DNMBP: variants seen among roughly 807,000 people sequenced by gnomAD.
The protein encoded by DNMBP is dynamin binding protein, also known as dynamin-binding protein.
A neutral mutation model predicts 150.0 loss-of-function variants in DNMBP; 87 were observed. The ratio of observed to expected loss-of-function variants is 0.58; its 90% CI spans 0.49 to 0.69. The LOEUF (loss-of-function observed/expected upper bound fraction) is 0.69, where lower values mean the gene tolerates loss of function less well. DNMBP is among the 30% of genes least tolerant of loss of function. The pLI is 0.00. For synonymous variants in DNMBP, 711 were observed against 750.4 expected (o/e 0.95, Z 0.86); for missense variants, 1,774 against 1,949.0 (o/e 0.91, Z 1.69).
At chr10:99,912,263 T>C (rs548582036) in intron 4 of DNMBP, among the ~76,000 whole-genome samples, 1 of 152,248 alleles carries the variant, frequency 6.6e-6, no homozygotes, top group African/African-American at 2.4e-5. Context: ...TGAGAAAAGG[T>C]CAGGGGCTTA....
intron 1 of DNMBP, among the ~76,000 whole-genome samples, chr10:100,002,084 T>C (rs942997534): frequency 1.8e-4 from 27 of 152,152 alleles, no homozygotes; most frequent in Admixed American, 3.3e-4. Flanking sequence ...CATGAGTTAA[T>C]GATCTAGCCC....
rs147616355 is a variant in DNMBP at position 99,956,764 on chromosome 10, G to A, written c.710C>T (p.Pro237Leu). Residue 237 changes from proline to leucine, a missense_variant, in exon 4 of 17, where the codon CCG becomes CTG. By Grantham distance (98) the Pro-to-Leu change is moderately conservative (BLOSUM62 -3). Coordinates refer to ENST00000324109, the MANE Select transcript of DNMBP (RefSeq NM_015221.4). ...CCCTGGCTCCTCCTCATCCTCATCC[G>A]GCCCTATCTCTTCTTCTCCTACAGG... ...DTPVGEEEIG[P>L]DEDEEEPGTY... The A allele has an allele frequency of 1.7e-5, 27 of 1,613,940 alleles. No individual in the cohort carries two copies. Among genetic ancestry groups the A allele is most frequent in the East Asian group, 1.6e-4 (7 of 44,892 alleles).
intron 16 of DNMBP, among the ~76,000 whole-genome samples, chr10:99,879,097 A>C (rs1335698209): frequency 1.3e-5 from 2 of 150,646 alleles, no homozygotes; most frequent in East Asian, 1.9e-4. Flanking sequence ...AAAAAAAAAA[A>C]AAAACCCAAA....
chr10:99,990,104 C>T (rs1415400100), intron 1 of DNMBP, among the ~76,000 whole-genome samples: 4 of 152,176 alleles, frequency 2.6e-5, no homozygotes, highest in East Asian at 1.9e-4. Context: ...TACATCAAAA[C>T]GTACATTCAC....
rs932230506 is a variant in DNMBP, at chr10:99,902,821, G to A, written c.2555-2755C>T. ...CAGGCGCCTGTAATCCCAGCTACTC[G>A]GGAGACTGAGGCAGGAGAATCGTTT... On this transcript the variant is annotated intron_variant, in intron 6 of 16. Coordinates refer to ENST00000324109, the MANE Select transcript of DNMBP (RefSeq NM_015221.4). Among the ~76,000 whole-genome samples, 7 of 151,438 alleles carry A rather than the reference G, an allele frequency of 4.6e-5. No individual in the cohort carries two copies. In the East Asian group the frequency reaches 6.0e-4, roughly 13 times the overall value.
intron 4 of DNMBP, among the ~76,000 whole-genome samples, chr10:99,942,879 G>C (rs6584335): frequency 0.47 from 70,855 of 151,970 alleles, 17,487 homozygotes; most frequent in African/African-American, 0.63. Flanking sequence ...TGAGCCAAAA[G>C]CCTCAACCAG....
chr10:99,887,744 C>A (rs565368679), intron 12 of DNMBP, among the ~76,000 whole-genome samples: 1 of 152,284 alleles, frequency 6.6e-6, no homozygotes, highest in East Asian at 1.9e-4. Context: ...TATCAAACCC[C>A]ATCCAGTTTT....
At chr10:100,004,077 CA>C (rs551141586) in intron 1 of DNMBP, among the ~76,000 whole-genome samples, 94 of 139,912 alleles carry the variant, frequency 6.7e-4, no homozygotes, top group Admixed American at 1.4e-3. Context: ...AAAAAAATTA[CA>C]AAAAAAAAAA....
At chr10:99,983,422 T>A (rs1161185734) in intron 1 of DNMBP, among the ~76,000 whole-genome samples, 1 of 152,016 alleles carries the variant, frequency 6.6e-6, no homozygotes, top group East Asian at 1.9e-4. Flanking sequence ...AGGAAGGAAA[T>A]GAGAGAAGCT....
At chr10:100,002,422 C>T (rs895980239) in intron 1 of DNMBP, among the ~76,000 whole-genome samples, 6 of 152,226 alleles carry the variant, frequency 3.9e-5, no homozygotes, top group South Asian at 2.1e-4. Context: ...GCTCTACTGA[C>T]GAGCCACCTC....
At chr10:100,001,095 G>A (rs1358523282) in intron 1 of DNMBP, among the ~76,000 whole-genome samples, 2 of 150,610 alleles carry the variant, frequency 1.3e-5, no homozygotes, top group Non-Finnish European at 3.0e-5. Flanking sequence ...GCCAGGTGTG[G>A]TGGTGCGTGC....
rs1378614668 is a variant in DNMBP, at chr10:99,886,432, T to C, written c.3486A>G (p.Ala1162=). ...ACTTGGGCAGCTCATCCAGCAGCTG[T>C]GCATTCAGGGCCTCATAGTTGTTCC... ...SARNNYEALN[A]QLLDELPKFH... Residue 1162 remains alanine, a synonymous_variant, in exon 13 of 17, where the codon GCA becomes GCG. Transcript: ENST00000324109. The C allele has an allele frequency of 6.2e-7, 1 of 1,614,192 alleles. No homozygotes were observed. Among genetic ancestry groups the C allele is most frequent in the Non-Finnish European group, 8.5e-7 (1 of 1,180,032 alleles).
chr10:99,943,991 G>C (rs1396983981), intron 4 of DNMBP, among the ~76,000 whole-genome samples: 1 of 152,152 alleles, frequency 6.6e-6, no homozygotes, highest in African/African-American at 2.4e-5. Context: ...ATTACTTGTA[G>C]AGTCTCTGGT....
intron 12 of DNMBP, among the ~76,000 whole-genome samples, chr10:99,886,980 T>G (rs930245299): frequency 6.6e-6 from 1 of 152,238 alleles, no homozygotes; most frequent in African/African-American, 2.4e-5. Flanking sequence ...ACATTTATTA[T>G]GTGTACATGT....
At chr10:99,992,328 T>C (rs1180765823) in intron 1 of DNMBP, among the ~76,000 whole-genome samples, 1 of 141,278 alleles carries the variant, frequency 7.1e-6, no homozygotes, top group Non-Finnish European at 1.6e-5. Context: ...CATCCCTTAT[T>C]ACAGCAATTA....
chr10:99,976,684 T>C (rs554039742), intron 1 of DNMBP, among the ~76,000 whole-genome samples: 1 of 152,322 alleles, frequency 6.6e-6, no homozygotes, highest in South Asian at 2.1e-4. Flanking sequence ...GTTATTTTCA[T>C]GTGCACTGAG....
At chr10:99,916,076 G>A (rs2039962092) in intron 4 of DNMBP, among the ~76,000 whole-genome samples, 1 of 152,208 alleles carries the variant, frequency 6.6e-6, no homozygotes, top group African/African-American at 2.4e-5. Context: ...GCCACAGTTT[G>A]CCCACAATAA....
chr10:99,968,573 A>G (rs1426369370), intron 3 of DNMBP, among the ~76,000 whole-genome samples: 3 of 151,992 alleles, frequency 2.0e-5, no homozygotes, highest in Non-Finnish European at 4.4e-5. Context: ...CTGCGGTCCC[A>G]GCTACTCATG....
intron 4 of DNMBP, 51 bp from the exon 5 acceptor site, chr10:99,909,197 C>T: frequency 6.8e-7 from 1 of 1,478,036 alleles, no homozygotes; most frequent in East Asian, 2.3e-5. Flanking sequence ...AAAGCAGCAC[C>T]CTTCCACAGT....
Sources: allele counts gnomAD v4.1 joint callset (sites outside exome capture counted in the v4.1 genomes callset), GRCh38; gene constraint gnomAD v4.1.1; transcripts MANE v1.5; gene names NCBI Gene and HGNC (gene_info 2026-07-23, HGNC 2026-07-21).